Variants in CHD2 observed in about 807,000 individuals in gnomAD.
CHD2 encodes the protein chromodomain helicase DNA binding protein 2, also known as ATP-dependent chromatin remodeler CHD2.
A neutral mutation model predicts 243.9 loss-of-function variants in CHD2; 28 were observed. That is an observed-to-expected ratio of 0.11 (90% CI 0.09 to 0.16). The LOEUF is 0.16. Among genes scored for constraint, CHD2 ranks in the 10% least tolerant of loss-of-function variants. The pLI is 1.00. For synonymous variants in CHD2, 775 were observed against 779.0 expected, an observed-to-expected ratio of 0.99 and a Z score of 0.09; for missense variants, 1,386 against 2,209.8, an observed-to-expected ratio of 0.63 and a Z score of 7.47.
At chr15:93,006,289 G>T (rs1567161587) in intron 34 of CHD2, among the ~76,000 whole-genome samples, 1 of 151,906 alleles carries the variant, frequency 6.6e-6, no homozygotes. Context: ...ACCACACCCG[G>T]CTAACTTTTG....
chr15:92,952,696 G>A lies in CHD2; in HGVS notation c.1503-661G>A, dbSNP rs1232931482. On this transcript the variant is annotated intron_variant, in intron 13 of 38. Transcript: ENST00000394196. The stretch of plus-strand genomic sequence containing the variant: ...CTCCCTCACCCGCTGCTCACCTTCT[G>A]CTGTGCAGCTGGGTTCCCGAGTGGG... Among the ~76,000 whole-genome samples the A allele has an allele frequency of 2.6e-5, 4 of 152,218 alleles. No individual in the cohort carries two copies. The East Asian group carries it at 7.7e-4, about 29-fold the overall frequency.
intron 2 of CHD2, among the ~76,000 whole-genome samples, chr15:92,912,041 A>G (rs749189954): frequency 2.6e-5 from 4 of 152,216 alleles, no homozygotes; most frequent in Non-Finnish European, 5.9e-5. Context: ...GATGGGAGGT[A>G]CTGGAGGCCT....
chr15:92,940,977 A>G, intron 7 of CHD2, among the ~76,000 whole-genome samples: 1 of 127,908 alleles, frequency 7.8e-6, no homozygotes, highest in Non-Finnish European at 1.6e-5. Flanking sequence ...ATAAATATAA[A>G]TATAAATATA....
intron 2 of CHD2, among the ~76,000 whole-genome samples, chr15:92,922,335 T>C (rs1377748386): frequency 1.3e-5 from 2 of 152,194 alleles, no homozygotes; most frequent in African/African-American, 4.8e-5. Context: ...AAATAATACA[T>C]ATAAAGTACT....
chr15:92,911,943 ACT>A (rs2052744367), intron 2 of CHD2, among the ~76,000 whole-genome samples: 1 of 152,128 alleles, frequency 6.6e-6, no homozygotes, highest in African/African-American at 2.4e-5. Context: ...AAAGGCCATG[ACT>A]CTACATCAAA....
chr15:92,916,678 C>T (rs896742772), intron 2 of CHD2, among the ~76,000 whole-genome samples: 7 of 152,166 alleles, frequency 4.6e-5, no homozygotes, highest in African/African-American at 7.2e-5. Context: ...CTTGGCCTCC[C>T]GAGTAACTGG....
chr15:92,979,901 GATA>G (rs141537056), intron 22 of CHD2, among the ~76,000 whole-genome samples: 5 of 150,652 alleles, frequency 3.3e-5, no homozygotes, highest in Admixed American at 1.3e-4. Flanking sequence ...CTGGGCGACC[GATA>G]ATAATAATAA....
chr15:93,017,782 C>A (rs2054483041), intron 37 of CHD2, among the ~76,000 whole-genome samples: 1 of 152,108 alleles, frequency 6.6e-6, no homozygotes, highest in Non-Finnish European at 1.5e-5. Context: ...TATTTCATCA[C>A]CATTTTGTTG....
At position 92,998,258 on chromosome 15, in the gene CHD2, A is replaced by G; in HGVS notation, c.3886-241A>G. ...TGAGTTGTTCTACCCTGTTAACAGC[A>G]CAGGTAGGAGCCATTGGGAGAGCTG... On this transcript the variant is annotated intron_variant, in intron 30 of 38. Transcript: ENST00000394196. This position sits in a 1 kb window ranked among gnomAD's most constrained non-coding sequence, Gnocchi z 5.1. The G allele has an allele frequency of 1.6e-6, 2 of 1,239,648 alleles. No individual in the cohort carries two copies. Among genetic ancestry groups the G allele is most frequent in the South Asian group, 4.3e-5 (2 of 46,790 alleles). The allele number at this position is 1,239,648 out of a possible 1,614,324, so 76.8% of individuals were successfully genotyped here.
At chr15:93,014,181 A>C (rs1196203607) in intron 36 of CHD2, among the ~76,000 whole-genome samples, 1 of 152,090 alleles carries the variant, frequency 6.6e-6, no homozygotes, top group Non-Finnish European at 1.5e-5. Context: ...GCTGGTTAGG[A>C]TTTGGGTCAC....
intron 38 of CHD2, among the ~76,000 whole-genome samples, chr15:93,023,022 A>G (rs2054551535): frequency 6.6e-6 from 1 of 152,080 alleles, no homozygotes; most frequent in Non-Finnish European, 1.5e-5. Context: ...TCTTTCTTTC[A>G]TTGAGGTGAA....
At chr15:93,000,330 A>G (rs2054238651) in intron 31 of CHD2, among the ~76,000 whole-genome samples, 182 bp from the exon 32 acceptor site, 1 of 152,134 alleles carries the variant, frequency 6.6e-6, no homozygotes, top group Non-Finnish European at 1.5e-5. Flanking sequence ...TAAGGCCTAT[A>G]GGTTTTTATT....
Position 92,986,549 on chromosome 15 carries a change from T to C in CHD2, c.3413+876T>C, listed in dbSNP as rs1289465452. Among the ~76,000 whole-genome samples the C allele has an allele frequency of 2.0e-5, 3 of 152,276 alleles. No individual in the cohort carries two copies. In the East Asian group the frequency reaches 5.8e-4, roughly 29 times the overall value. ...CCTCTTGTGCTTATCATCTTAACAATTTTGAATTTGTAGCCAAAATTGTAT... is the reference window on the plus strand; with the variant it reads ...CCTCTTGTGCTTATCATCTTAACAACTTTGAATTTGTAGCCAAAATTGTAT... On this transcript the variant is annotated intron_variant, in intron 26 of 38. Coordinates refer to ENST00000394196, the MANE Select transcript of CHD2 (RefSeq NM_001271.4).
At chr15:93,022,699 G>A (rs1304409912) in intron 38 of CHD2, among the ~76,000 whole-genome samples, 1 of 152,192 alleles carries the variant, frequency 6.6e-6, no homozygotes, top group African/African-American at 2.4e-5. Flanking sequence ...CTCATGCCAT[G>A]CCCTGTGAAC....
At chr15:92,923,191 T>C (rs1022104493) in intron 2 of CHD2, among the ~76,000 whole-genome samples, 5 of 152,246 alleles carry the variant, frequency 3.3e-5, no homozygotes, top group Non-Finnish European at 5.9e-5. Flanking sequence ...TTGCTCCTAT[T>C]AGTGAGAACC....
At chr15:92,980,965 T>G in intron 23 of CHD2, 54 bp downstream of exon 23, 1 of 1,175,228 alleles carries the variant, frequency 8.5e-7, no homozygotes. Context: ...TCTGTGAGAG[T>G]CTAACTTTTC....
chr15:92,985,885 C>T (rs538651531), intron 26 of CHD2, among the ~76,000 whole-genome samples: 4 of 152,284 alleles, frequency 2.6e-5, no homozygotes, highest in South Asian at 2.1e-4. Context: ...TTGTTCATCT[C>T]TCTATTTCTC....
chr15:92,924,225 A>G (rs946437117), intron 2 of CHD2, 96 bp from the exon 3 acceptor site: 42 of 1,009,602 alleles, frequency 4.2e-5, no homozygotes, highest in Middle Eastern at 2.7e-4. Flanking sequence ...TACTAAAATT[A>G]CTATCTGCAA....
chr15:92,910,665 G>T (rs986627124), intron 2 of CHD2, among the ~76,000 whole-genome samples: 1 of 152,144 alleles, frequency 6.6e-6, no homozygotes, highest in Non-Finnish European at 1.5e-5. Flanking sequence ...CAAAGTGCTG[G>T]GATTACAGGG....
Sources: allele counts gnomAD v4.1 joint callset (sites outside exome capture counted in the v4.1 genomes callset), GRCh38; gene constraint gnomAD v4.1.1; non-coding constraint Gnocchi (gnomAD v3.1); transcripts MANE v1.5; gene names NCBI Gene and HGNC (gene_info 2026-07-23, HGNC 2026-07-21).